NBPF15: variants seen among roughly 807,000 people sequenced by gnomAD.
NBPF15 encodes NBPF family member NBPF15.
In NBPF15, 74 loss-of-function variants were observed where a neutral mutation model predicts 62.2. That is an observed-to-expected ratio of 1.19 (90% CI 0.99 to 1.44). NBPF15 has a LOEUF of 1.44. NBPF15 is among the 40% of genes most tolerant of loss of function. The pLI, the probability that NBPF15 is intolerant of heterozygous loss-of-function variation, is 0.00. For synonymous variants in NBPF15, 244 were observed against 209.7 expected (o/e 1.16, Z -1.41); for missense variants, 790 against 550.0 (o/e 1.44, Z -4.36).
At chr1:144,434,959 T>G (rs1401975773) in intron 12 of NBPF15, among the ~76,000 whole-genome samples, 152 bp downstream of exon 12, 1 of 151,950 alleles carries the variant, frequency 6.6e-6, no homozygotes, top group African/African-American at 2.4e-5. Context: ...GGCATGACAT[T>G]AGCTGAGAAG....
At chr1:144,442,317 TTA>T (rs1361892809) in intron 6 of NBPF15, among the ~76,000 whole-genome samples, 7 of 128,228 alleles carry the variant, frequency 5.5e-5, no homozygotes, top group South Asian at 2.3e-4. Flanking sequence ...CGTGTATATA[TTA>T]TATATATATA....
chr1:144,444,422 A>T (rs1179035996), intron 6 of NBPF15, among the ~76,000 whole-genome samples: 1 of 151,790 alleles, frequency 6.6e-6, no homozygotes, highest in Non-Finnish European at 1.5e-5. Flanking sequence ...AATAAGTTTT[A>T]CTGGGGGTCT....
intron 12 of NBPF15, 132 bp downstream of exon 12, chr1:144,434,979 A>G: frequency 6.5e-7 from 1 of 1,536,392 alleles, no homozygotes. Context: ...GGACAAAAAA[A>G]CTCCCTGATA....
At chr1:144,452,850 C>T (rs1364002633) in intron 4 of NBPF15, among the ~76,000 whole-genome samples, 1 of 151,094 alleles carries the variant, frequency 6.6e-6, no homozygotes, top group African/African-American at 2.4e-5. Flanking sequence ...CAAGGAGTCA[C>T]AGCTCACAGG....
chr1:144,459,651 G>T (rs199765068), intron 2 of NBPF15, among the ~76,000 whole-genome samples, 168 bp from the exon 3 acceptor site: 1 of 151,728 alleles, frequency 6.6e-6, no homozygotes, highest in Non-Finnish European at 1.5e-5. Context: ...AGAAAAACAA[G>T]CATATCAATG....
chr1:144,421,569 TTTC>T lies in NBPF15; in HGVS notation c.*1441_*1443del, dbSNP rs1666075008. The T allele has an allele frequency of 1.3e-5, 2 of 149,364 alleles. No homozygotes were observed. The highest frequency in any genetic ancestry group is 2.5e-5 in the African/African-American group (1 of 40,142). The allele number at this position is 149,364 out of a possible 1,614,324, so 9.3% of individuals were successfully genotyped here. ...AAATTAAAACTCAGGCAGAGAATGTTTTCTTCTTTTTGCAACAGCAGACACTAG... is the reference window on the plus strand; with the variant it reads ...AAATTAAAACTCAGGCAGAGAATGTTTTCTTTTTGCAACAGCAGACACTAG... On this transcript the variant is annotated 3_prime_UTR_variant, in exon 22 of 22. Coordinates refer to ENST00000581897, the MANE Select transcript of NBPF15 (RefSeq NM_001385408.1).
At position 144,428,542 on chromosome 1, in the gene NBPF15, T is replaced by G; in HGVS notation, c.1040+64A>C. 2.9e-5 allele frequency: 19 copies of G among 664,638 alleles called. No homozygotes were observed. In the South Asian group the frequency reaches 3.1e-4, roughly 11 times the overall value. The allele number at this position is 664,638 out of a possible 1,614,324, so 41.2% of individuals were successfully genotyped here. On this transcript the variant is annotated intron_variant, in intron 15 of 21. Transcript: ENST00000581897. ...TCATTATTTTCAGCATGTACTGTTT[T>G]CCCTGGACTTGGCATCTCCAGGTGT...
intron 9 of NBPF15, 107 bp downstream of exon 9, chr1:144,437,838 C>A: frequency 6.5e-7 from 1 of 1,531,744 alleles, no homozygotes; most frequent in Non-Finnish European, 9.0e-7. Flanking sequence ...ATGGCAATTC[C>A]TGCCCTTCCC....
intron 21 of NBPF15, 125 bp from the exon 22 acceptor site, chr1:144,423,381 T>G: frequency 7.7e-7 from 1 of 1,303,066 alleles, no homozygotes; most frequent in Middle Eastern, 3.0e-4. Context: ...ATTAATGAGG[T>G]AAAAAAAAAA....
At chr1:144,446,000 C>A (rs1278521756) in intron 6 of NBPF15, among the ~76,000 whole-genome samples, 1 of 147,058 alleles carries the variant, frequency 6.8e-6, no homozygotes, top group Non-Finnish European at 1.5e-5. Flanking sequence ...GGACTACAGG[C>A]ACATGCCACC....
chr1:144,451,924 G>A (rs1357064990), intron 4 of NBPF15, among the ~76,000 whole-genome samples: 1 of 151,750 alleles, frequency 6.6e-6, no homozygotes, highest in Non-Finnish European at 1.5e-5. Flanking sequence ...GGCCAAGGCA[G>A]GTGGATCACT....
chr1:144,427,023 G>A (rs1367313079), intron 17 of NBPF15, 24 bp downstream of exon 17: 4 of 760,508 alleles, frequency 5.3e-6, no homozygotes, highest in South Asian at 2.7e-5. Context: ...ACACAATTAA[G>A]CATCCATAAT....
rs368437698 is a variant in NBPF15, at chr1:144,438,357, C to A, written c.176-310G>T. On this transcript the variant is annotated intron_variant, in intron 8 of 21. Coordinates refer to ENST00000581897, the MANE Select transcript of NBPF15 (RefSeq NM_001385408.1). Reference sequence around the variant, plus strand: ...GACTCTGAATGCGGGGCCACTTTCCCAAGCCTTGCAGCCTCTCCTCTAAAA... The same window carrying A: ...GACTCTGAATGCGGGGCCACTTTCCAAAGCCTTGCAGCCTCTCCTCTAAAA... 1.2e-3 allele frequency among the ~76,000 whole-genome samples: 183 copies of A among 151,890 alleles called. 2 individuals carry two copies. In the East Asian group the frequency reaches 0.033, roughly 27 times the overall value.
In NBPF15 at chr1:144,436,965, C is replaced by T. The variant is rs1462763700; in HGVS notation, c.423G>A (p.Gly141=). The change falls in exon 10 of 22, where the codon GGG becomes GGA. Residue 141 remains glycine (G), a synonymous_variant. Transcript: ENST00000581897. The part of the protein sequence containing the change: ...LTPDEPDKSQ[G]QDLQEQLAEG... ...CAGCCAGCTGTTCTTGGAGGTCCTG[C>T]CCCTGGGACTTGTCCGGCTCATCCG... 22 of 1,611,494 alleles carry T rather than the reference C, an allele frequency of 1.4e-5. No individual in the cohort carries two copies. The highest frequency in any genetic ancestry group is 1.3e-4 in the African/African-American group (10 of 74,828).
intron 14 of NBPF15, among the ~76,000 whole-genome samples, chr1:144,428,977 A>C (rs1338028668): frequency 7.9e-5 from 12 of 152,018 alleles, no homozygotes; most frequent in Admixed American, 7.9e-4. Flanking sequence ...TAGGAGAGAT[A>C]CTTCAATATT....
intron 21 of NBPF15, 55 bp downstream of exon 21, chr1:144,423,815 C>G: frequency 1.3e-6 from 1 of 748,882 alleles, no homozygotes; most frequent in South Asian, 1.4e-5. Context: ...TTCCCTGAAT[C>G]TGTTGCCTCC....
intron 6 of NBPF15, among the ~76,000 whole-genome samples, chr1:144,445,319 C>A (rs1376874537): frequency 2.0e-5 from 2 of 98,900 alleles, no homozygotes; most frequent in Non-Finnish European, 4.0e-5. Context: ...AGATGATAAT[C>A]TTCAAAACGG....
intron 13 of NBPF15, among the ~76,000 whole-genome samples, chr1:144,431,412 C>A (rs1342742320): frequency 5.7e-4 from 86 of 150,294 alleles, no homozygotes; most frequent in Non-Finnish European, 9.6e-4. Context: ...AGAGTGGGAG[C>A]AATATTCAAC....
intron 6 of NBPF15, among the ~76,000 whole-genome samples, chr1:144,447,184 C>T (rs1332717938): frequency 8.5e-5 from 13 of 152,398 alleles, no homozygotes; most frequent in African/African-American, 2.9e-4. Context: ...GCATCTCCCG[C>T]CATGACCTCC....
Sources: gnomAD v4.1 joint callset for allele counts (sites outside exome capture counted in the v4.1 genomes callset) on GRCh38, gnomAD v4.1.1 for gene constraint, MANE v1.5 for transcripts, NCBI Gene and HGNC (gene_info 2026-07-23, HGNC 2026-07-21) for gene names.